Variants in ANTXR2 observed in about 807,000 individuals in gnomAD.
The protein encoded by ANTXR2 is anthrax toxin receptor 2.
A neutral mutation model predicts 73.7 loss-of-function variants in ANTXR2; 44 were observed. The ratio of observed to expected loss-of-function variants is 0.60; its 90% CI spans 0.47 to 0.77. The LOEUF is 0.77. Among genes scored for constraint, ANTXR2 ranks in the 30% least tolerant of loss-of-function variants. The pLI is 0.00. For synonymous variants in ANTXR2, 217 were observed against 205.9 expected, an observed-to-expected ratio of 1.05 and a Z score of -0.46; for missense variants, 604 against 592.5, an observed-to-expected ratio of 1.02 and a Z score of -0.20.
chr4:80,017,029 C>T (rs1252880017), intron 11 of ANTXR2, among the ~76,000 whole-genome samples: 1 of 152,246 alleles, frequency 6.6e-6, no homozygotes, highest in Admixed American at 6.5e-5. Flanking sequence ...TTTCATACAG[C>T]AGCCAGAGTG....
chr4:79,998,924 C>T (rs2110041811), intron 12 of ANTXR2, among the ~76,000 whole-genome samples: 1 of 152,068 alleles, frequency 6.6e-6, no homozygotes, highest in Non-Finnish European at 1.5e-5. Context: ...TAAAGGTCTC[C>T]AAATATCATT....
chr4:80,024,764 G>T, intron 10 of ANTXR2: 1 of 416,550 alleles, frequency 2.4e-6, no homozygotes, highest in Non-Finnish European at 4.7e-6. Context: ...ACCTCAAAAA[G>T]AAAAAACTGA....
At chr4:80,036,102 A>G in intron 7 of ANTXR2, 70 bp from the exon 8 acceptor site, 2 of 1,273,804 alleles carry the variant, frequency 1.6e-6, no homozygotes, top group Admixed American at 6.0e-5. Context: ...AAATTATAAG[A>G]TTAGTAATAA....
chr4:79,936,669 C>T (rs1025584609), intron 16 of ANTXR2, among the ~76,000 whole-genome samples: 5 of 151,940 alleles, frequency 3.3e-5, no homozygotes, highest in East Asian at 1.9e-4. Context: ...CTTTATTAAA[C>T]GTAAAAGGGA....
At position 79,906,669 on chromosome 4, in the gene ANTXR2, A is replaced by C. The variant is rs953528626; in HGVS notation, c.*760T>G. On this transcript the variant is annotated 3_prime_UTR_variant, in exon 17 of 17. Transcript: ENST00000403729. ...AAATGAGTCCCTTGCACTACACTCA[A>C]GATCTCTGGCTAGAGGCCTTCTGTG... is the stretch of plus-strand genomic sequence containing the variant. 4 of 152,670 alleles carry C rather than the reference A, an allele frequency of 2.6e-5. No individual in the cohort carries two copies. The highest frequency in any genetic ancestry group is 4.4e-5 in the Non-Finnish European group (3 of 68,086). The allele number at this position is 152,670 out of a possible 1,614,324, so 9.5% of individuals were successfully genotyped here. A position where few individuals can be genotyped will look rare whatever the true frequency, so the allele number is the denominator to read the frequency against.
chr4:80,007,608 G>T (rs1422782899), intron 12 of ANTXR2, among the ~76,000 whole-genome samples: 1 of 152,158 alleles, frequency 6.6e-6, no homozygotes, highest in Non-Finnish European at 1.5e-5. Flanking sequence ...TAATCCCATG[G>T]TTCCTTAAAA....
chr4:80,053,472 T>TA (rs1283895563), intron 7 of ANTXR2, among the ~76,000 whole-genome samples: 2 of 151,766 alleles, frequency 1.3e-5, no homozygotes, highest in African/African-American at 4.8e-5. Context: ...AAGAGAAATT[T>TA]AAAATCCCAG....
intron 11 of ANTXR2, among the ~76,000 whole-genome samples, chr4:80,018,305 A>G (rs1032912651): frequency 6.6e-6 from 1 of 152,210 alleles, no homozygotes; most frequent in African/African-American, 2.4e-5. Context: ...ACAAAATTAA[A>G]TAAAAGGAAG....
intron 12 of ANTXR2, among the ~76,000 whole-genome samples, chr4:80,007,067 G>A (rs1361668786): frequency 4.6e-5 from 7 of 152,070 alleles, no homozygotes; most frequent in South Asian, 2.1e-4. Context: ...GACAGGATGC[G>A]TCTTGTCTCT....
At chr4:79,927,380 T>C (rs1301835661) in intron 16 of ANTXR2, among the ~76,000 whole-genome samples, 1 of 152,002 alleles carries the variant, frequency 6.6e-6, no homozygotes, top group Non-Finnish European at 1.5e-5. Flanking sequence ...TATTAATCAT[T>C]TCATTATGTA....
Position 80,054,061 on chromosome 4 carries a change from A to G in ANTXR2, c.636+211T>C, listed in dbSNP as rs148662725. ...CTTGAAACCACAAACCCAGTCTCAC[A>G]GAGCCCAACATGCAAGAATTAATAC... On this transcript the variant is annotated intron_variant, in intron 7 of 16. Coordinates refer to ENST00000403729, the MANE Select transcript of ANTXR2 (RefSeq NM_058172.6). Among the ~76,000 whole-genome samples, 1,251 of 151,860 alleles carry G rather than the reference A, an allele frequency of 8.2e-3. 13 individuals are homozygous for G. The highest frequency in any genetic ancestry group is 0.024 in the African/African-American group (1,004 of 41,516).
At chr4:79,956,781 G>GCA (rs894180559) in intron 16 of ANTXR2, among the ~76,000 whole-genome samples, 2 of 151,606 alleles carry the variant, frequency 1.3e-5, no homozygotes, top group East Asian at 1.9e-4. Context: ...GCATGCGCGC[G>GCA]CACACACACA....
intron 16 of ANTXR2, 50 bp downstream of exon 16, chr4:79,977,571 A>G: frequency 6.5e-7 from 1 of 1,549,072 alleles, no homozygotes; most frequent in Non-Finnish European, 8.7e-7. Context: ...TGCCTCCATT[A>G]TACTGACTCA....
Position 79,907,111 on chromosome 4 carries a change from C to A in ANTXR2, c.*318G>T, listed in dbSNP as rs1001999653. 6 of 350,592 alleles carry A rather than the reference C, an allele frequency of 1.7e-5. No individual in the cohort carries two copies. In the East Asian group the frequency reaches 1.9e-4, roughly 11 times the overall value. The allele number at this position is 350,592 out of a possible 1,614,324, so 21.7% of individuals were successfully genotyped here. On this transcript the variant is annotated 3_prime_UTR_variant, in exon 17 of 17. Transcript: ENST00000403729. ...CATCTTCGTGTTGTTGCTGTTGTTG[C>A]TTTTTCCTCTTCTACACATTCAAAC... is the stretch of plus-strand genomic sequence containing the variant.
rs1427632466 is a variant in ANTXR2, at chr4:79,901,152, T to G, written c.*6277A>C. The G allele has an allele frequency of 6.6e-6, 1 of 152,082 alleles. No individual in the cohort carries two copies. Among genetic ancestry groups the G allele is most frequent in the Non-Finnish European group, 1.5e-5 (1 of 67,990 alleles). The allele number at this position is 152,082 out of a possible 1,614,324, so 9.4% of individuals were successfully genotyped here. ...AGAGACTTTCAGAACTAGAGGATAT[T>G]AAAAAAAGAACTAAAAAGAACACTT... On this transcript the variant is annotated 3_prime_UTR_variant, in exon 17 of 17. Coordinates refer to ENST00000403729, the MANE Select transcript of ANTXR2 (RefSeq NM_058172.6).
chr4:79,933,245 T>C (rs62298562), intron 16 of ANTXR2, among the ~76,000 whole-genome samples: 3,337 of 152,328 alleles, frequency 0.022, 50 homozygotes, highest in Non-Finnish European at 0.035. Context: ...TCAGTATTTA[T>C]ATTGTATGGA....
At chr4:79,998,085 T>C (rs1378740857) in intron 12 of ANTXR2, among the ~76,000 whole-genome samples, 1 of 151,980 alleles carries the variant, frequency 6.6e-6, no homozygotes, top group Non-Finnish European at 1.5e-5. Flanking sequence ...ACAAGTGCAA[T>C]GTACAGCATT....
At chr4:80,039,228 A>G in intron 7 of ANTXR2, among the ~76,000 whole-genome samples, 1 of 147,804 alleles carries the variant, frequency 6.8e-6, no homozygotes, top group East Asian at 3.4e-4. Context: ...AATAGAGAGG[A>G]GGGAGAAGAG....
chr4:79,965,198 T>C (rs926375422), intron 16 of ANTXR2: 1 of 152,222 alleles, frequency 6.6e-6, no homozygotes, highest in African/African-American at 2.4e-5. Context: ...GATTTGTTTA[T>C]ACAACTAAAC....
Sources: allele counts gnomAD v4.1 joint callset (sites outside exome capture counted in the v4.1 genomes callset), GRCh38; gene constraint gnomAD v4.1.1; transcripts MANE v1.5; gene names NCBI Gene and HGNC (gene_info 2026-07-23, HGNC 2026-07-21).